MYOF: variants seen among roughly 807,000 people sequenced by gnomAD.
MYOF encodes the protein myoferlin.
In MYOF, 244 loss-of-function variants were observed where a neutral mutation model predicts 284.2. The observed-to-expected ratio is 0.86, with a 90% CI of 0.77 to 0.95. MYOF has a LOEUF of 0.95. Among genes scored for constraint, MYOF ranks in the 40% least tolerant of loss-of-function variants. MYOF has a pLI of 0.00. For synonymous variants in MYOF, 904 were observed against 919.7 expected (o/e 0.98, Z 0.31); for missense variants, 2,496 against 2,560.6 (o/e 0.97, Z 0.54).
At chr10:93,397,929 G>A (rs542937120) in intron 13 of MYOF, among the ~76,000 whole-genome samples, 1 of 152,156 alleles carries the variant, frequency 6.6e-6, no homozygotes, top group African/African-American at 2.4e-5. Context: ...CCGTCTTCAA[G>A]CAGATCCTGG....
chr10:93,312,215 G>A (rs1842419397), intron 51 of MYOF, among the ~76,000 whole-genome samples: 1 of 152,220 alleles, frequency 6.6e-6, no homozygotes, highest in African/African-American at 2.4e-5. Flanking sequence ...AGTCTTTCGT[G>A]ATATGGCATG....
At chr10:93,402,745 T>C (rs1406322080) in intron 10 of MYOF, 115 bp downstream of exon 10, 1 of 914,756 alleles carries the variant, frequency 1.1e-6, no homozygotes, top group African/African-American at 1.7e-5. Flanking sequence ...TTTTAAAAAA[T>C]TCCTTTAACT....
At chr10:93,403,039 C>T in intron 9 of MYOF, 149 bp from the exon 10 acceptor site, 1 of 667,292 alleles carries the variant, frequency 1.5e-6, no homozygotes, top group Non-Finnish European at 2.6e-6. Flanking sequence ...CTCTCTGTAT[C>T]CCCAGTGCCT....
At chr10:93,331,203 A>G (rs1316992468) in intron 43 of MYOF, among the ~76,000 whole-genome samples, 3 of 152,152 alleles carry the variant, frequency 2.0e-5, no homozygotes, top group African/African-American at 7.2e-5. Flanking sequence ...CCACGCACAT[A>G]GGAAAGGTTG....
intron 2 of MYOF, among the ~76,000 whole-genome samples, chr10:93,455,344 A>T (rs771971062): frequency 1.3e-5 from 2 of 152,072 alleles, no homozygotes; most frequent in African/African-American, 2.4e-5. Flanking sequence ...CCCCCAAGGC[A>T]TTAAAAAGTT....
chr10:93,368,456 A>C (rs1845425566), intron 25 of MYOF, among the ~76,000 whole-genome samples: 1 of 152,206 alleles, frequency 6.6e-6, no homozygotes, highest in Non-Finnish European at 1.5e-5. Context: ...CAATCATTGC[A>C]ATAGATTGTG....
Position 93,366,440 on chromosome 10 carries a change from G to T in MYOF, c.2705C>A (p.Pro902Gln). The change falls in exon 26 of 54, where the codon CCA becomes CAA. Residue 902 changes from proline to glutamine, a missense_variant. Physicochemically the swap from Pro to Gln is moderately conservative, Grantham distance 76. Coordinates refer to ENST00000359263, the MANE Select transcript of MYOF (RefSeq NM_013451.4). The stretch of plus-strand genomic sequence containing the variant: ...CTCTCCTTCCCATTCCCAGCCTTTT[G>T]GAGGCAGAAAAAATTCCCTCTTGAG... Reference protein sequence around the residue: ...IKLKREFFLPPKGWEWEGEWI... With the variant: ...IKLKREFFLPQKGWEWEGEWI... The T allele has an allele frequency of 6.2e-7, 1 of 1,613,892 alleles. No homozygotes were observed. Among genetic ancestry groups the T allele is most frequent in the Non-Finnish European group, 8.5e-7 (1 of 1,179,974 alleles).
chr10:93,399,174 T>C (rs1013001177), intron 13 of MYOF, among the ~76,000 whole-genome samples: 2 of 152,174 alleles, frequency 1.3e-5, no homozygotes, highest in East Asian at 1.9e-4. Context: ...TCTCAAAAGA[T>C]TGAATTTTCT....
At chr10:93,352,825 G>A (rs1261318254) in intron 32 of MYOF, among the ~76,000 whole-genome samples, 2 of 152,170 alleles carry the variant, frequency 1.3e-5, no homozygotes, top group Non-Finnish European at 2.9e-5. Context: ...CAGTGATAGA[G>A]TGCCCCCTGG....
intron 1 of MYOF, among the ~76,000 whole-genome samples, chr10:93,468,173 T>C (rs935867533): frequency 6.6e-6 from 1 of 152,232 alleles, no homozygotes; most frequent in Non-Finnish European, 1.5e-5. Flanking sequence ...AATTTGAATA[T>C]AGGTCTTCTG....
intron 7 of MYOF, among the ~76,000 whole-genome samples, 157 bp downstream of exon 7, chr10:93,408,630 T>C (rs1198166234): frequency 6.6e-6 from 1 of 152,206 alleles, no homozygotes; most frequent in East Asian, 1.9e-4. Context: ...TCCAGGGCTT[T>C]TTCCAAGACC....
intron 48 of MYOF, among the ~76,000 whole-genome samples, chr10:93,321,411 C>A (rs1842833776): frequency 7.3e-6 from 1 of 137,270 alleles, no homozygotes; most frequent in South Asian, 2.3e-4. Flanking sequence ...TGACTATTAA[C>A]CTTTTTTTTT....
chr10:93,314,470 G>A (rs1043711318), intron 50 of MYOF, among the ~76,000 whole-genome samples: 1 of 152,220 alleles, frequency 6.6e-6, no homozygotes, highest in Non-Finnish European at 1.5e-5. Flanking sequence ...CTTTCCTTAA[G>A]AAAATGGTAT....
rs751118580 is a variant in MYOF at position 93,387,793 on chromosome 10, T to C, written c.1698+4A>G. ...CCATGCATTACTCACACTTTAACAT[T>C]TACCTCAACAACCAGCAGGTCATCA... On this transcript the variant is annotated splice_donor_region_variant and intron_variant, in intron 19 of 53. Coordinates refer to ENST00000359263, the MANE Select transcript of MYOF (RefSeq NM_013451.4). The C allele has an allele frequency of 6.2e-7, 1 of 1,611,330 alleles. No individual in the cohort carries two copies. The highest frequency in any genetic ancestry group is 1.1e-5 in the South Asian group (1 of 91,026).
intron 2 of MYOF, among the ~76,000 whole-genome samples, chr10:93,455,244 A>G (rs571625455): frequency 6.6e-6 from 1 of 151,968 alleles, no homozygotes; most frequent in South Asian, 2.1e-4. Context: ...AGCAACCTGC[A>G]CTCCAGCCTG....
At chr10:93,388,172 G>A (rs1846488051) in intron 18 of MYOF, among the ~76,000 whole-genome samples, 1 of 129,928 alleles carries the variant, frequency 7.7e-6, no homozygotes, top group African/African-American at 2.9e-5. Flanking sequence ...AAGGTCAGAG[G>A]TCTTCAAACC....
chr10:93,356,236 T>C (rs1421450301), intron 30 of MYOF, among the ~76,000 whole-genome samples: 1 of 152,206 alleles, frequency 6.6e-6, no homozygotes, highest in African/African-American at 2.4e-5. Flanking sequence ...TGCTTCAGTA[T>C]GTTCTTCCGT....
At chr10:93,341,501 T>C (rs1843911029) in intron 38 of MYOF, among the ~76,000 whole-genome samples, 1 of 152,188 alleles carries the variant, frequency 6.6e-6, no homozygotes, top group Admixed American at 6.5e-5. Flanking sequence ...GGTCGCAAAC[T>C]CCTGACCTCA....
chr10:93,332,345 C>T (rs1007844417), intron 43 of MYOF, among the ~76,000 whole-genome samples: 1 of 151,894 alleles, frequency 6.6e-6, no homozygotes, highest in African/African-American at 2.4e-5. Context: ...GCCTCAGCCT[C>T]CTGAGTAGCT....
Sources: gnomAD v4.1 joint callset for allele counts (sites outside exome capture counted in the v4.1 genomes callset) on GRCh38, gnomAD v4.1.1 for gene constraint, MANE v1.5 for transcripts, NCBI Gene and HGNC (gene_info 2026-07-23, HGNC 2026-07-21) for gene names.